CDH13: variants seen among roughly 807,000 people sequenced by gnomAD.
CDH13 encodes cadherin-13.
In CDH13, 24 loss-of-function variants were observed where a neutral mutation model predicts 63.8. That is an observed-to-expected ratio of 0.38 (90% CI 0.27 to 0.53). The LOEUF is 0.53. CDH13 is among the 20% of genes least tolerant of loss of function. The pLI, the probability that CDH13 is intolerant of heterozygous loss-of-function variation, is 0.85. For synonymous variants in CDH13, 503 were observed against 355.3 expected (o/e 1.42, Z -4.67); for missense variants, 1,049 against 903.1 (o/e 1.16, Z -2.07).
intron 1 of CDH13, among the ~76,000 whole-genome samples, chr16:82,770,546 T>C (rs2035221622): frequency 2.0e-5 from 3 of 152,232 alleles, no homozygotes; most frequent in Admixed American, 2.0e-4. Context: ...GTTTAATCTA[T>C]ATAGTTACAT....
At chr16:83,230,428 T>C (rs1191265257) in intron 5 of CDH13, among the ~76,000 whole-genome samples, 2 of 152,154 alleles carry the variant, frequency 1.3e-5, no homozygotes, top group African/African-American at 4.8e-5. Flanking sequence ...ATACTGTGTG[T>C]TCCCTGCCTG....
At chr16:82,745,927 T>A (rs1394004990) in intron 1 of CDH13, among the ~76,000 whole-genome samples, 1 of 152,166 alleles carries the variant, frequency 6.6e-6, no homozygotes, top group Non-Finnish European at 1.5e-5. Context: ...TTTTTGTGGT[T>A]CTTAATGGAT....
At chr16:82,860,261 C>T (rs1318215460) in intron 2 of CDH13, among the ~76,000 whole-genome samples, 2 of 151,736 alleles carry the variant, frequency 1.3e-5, no homozygotes, top group Admixed American at 1.3e-4. Flanking sequence ...CTTCTGTAAT[C>T]TTCACGATAG....
intron 5 of CDH13, among the ~76,000 whole-genome samples, chr16:83,302,275 TA>T (rs2089767345): frequency 6.6e-6 from 1 of 152,228 alleles, no homozygotes; most frequent in African/African-American, 2.4e-5. Context: ...TGGTTACTTT[TA>T]ACCTCCTGTT....
intron 3 of CDH13, among the ~76,000 whole-genome samples, chr16:83,045,212 T>C (rs1273512895): frequency 1.3e-5 from 2 of 152,186 alleles, no homozygotes. Context: ...AGAGAAATTT[T>C]AGGCAAGTAG....
intron 1 of CDH13, among the ~76,000 whole-genome samples, chr16:82,645,252 C>T (rs1187701860): frequency 6.6e-6 from 1 of 152,152 alleles, no homozygotes; most frequent in Non-Finnish European, 1.5e-5. Context: ...GAATGAAAGC[C>T]TCTGGGGGCA....
At chr16:83,407,646 G>A (rs2092067446) in intron 6 of CDH13, among the ~76,000 whole-genome samples, 1 of 152,122 alleles carries the variant, frequency 6.6e-6, no homozygotes, top group African/African-American at 2.4e-5. Flanking sequence ...AAACATTTCA[G>A]GGGAGTTTTA....
chr16:82,969,707 G>A (rs1005834242), intron 2 of CDH13, among the ~76,000 whole-genome samples: 2 of 152,092 alleles, frequency 1.3e-5, no homozygotes, highest in African/African-American at 2.4e-5. Context: ...TCCGGACATC[G>A]TAAAATTACC....
intron 10 of CDH13, among the ~76,000 whole-genome samples, chr16:83,683,683 C>A (rs976046314): frequency 1.3e-5 from 2 of 152,116 alleles, no homozygotes; most frequent in African/African-American, 4.8e-5. Flanking sequence ...AGTGGGTATG[C>A]TTATAGTGAA....
chr16:83,368,937 T>TAC (rs59678924), intron 6 of CDH13, among the ~76,000 whole-genome samples: 1,266 of 68,404 alleles, frequency 0.019, 139 homozygotes, highest in Non-Finnish European at 0.021. Flanking sequence ...TATATATATA[T>TAC]ACTAGGTTTT....
At chr16:82,842,136 A>ATATG (rs1165321820) in intron 1 of CDH13, among the ~76,000 whole-genome samples, 14 of 46,926 alleles carry the variant, frequency 3.0e-4, no homozygotes, top group Non-Finnish European at 5.0e-5. Flanking sequence ...ATATATATAT[A>ATATG]TACACATATA....
chr16:82,871,750 C>CT (rs2151189408), intron 2 of CDH13, among the ~76,000 whole-genome samples: 1 of 152,244 alleles, frequency 6.6e-6, no homozygotes, highest in South Asian at 2.1e-4. Context: ...ACACTTGGAT[C>CT]TAGATGCATT....
At chr16:83,793,889 A>T (rs1916433338) in intron 13 of CDH13, among the ~76,000 whole-genome samples, 1 of 152,146 alleles carries the variant, frequency 6.6e-6, no homozygotes, top group South Asian at 2.1e-4. Context: ...TGGATTAGCC[A>T]GGTGAGCCTG....
intron 6 of CDH13, among the ~76,000 whole-genome samples, chr16:83,486,130 G>A (rs971927452): frequency 4.2e-5 from 4 of 95,682 alleles, no homozygotes; most frequent in Non-Finnish European, 6.7e-5. Context: ...GTGACAGAGC[G>A]AGACTCTGTC....
intron 6 of CDH13, among the ~76,000 whole-genome samples, chr16:83,470,324 T>C (rs1174516318): frequency 6.6e-6 from 1 of 152,206 alleles, no homozygotes; most frequent in East Asian, 1.9e-4. Flanking sequence ...CCCAAACTGC[T>C]GGGATTACAG....
intron 5 of CDH13, among the ~76,000 whole-genome samples, chr16:83,259,035 C>G (rs185584559): frequency 3.2e-4 from 49 of 152,284 alleles, no homozygotes; most frequent in African/African-American, 1.1e-3. Flanking sequence ...CAGCCTTGTA[C>G]TTAAACTTCT....
chr16:83,404,685 C>A (rs767709714), intron 6 of CDH13, among the ~76,000 whole-genome samples: 2 of 152,198 alleles, frequency 1.3e-5, no homozygotes, highest in Non-Finnish European at 2.9e-5. Context: ...GTGCCTAAAT[C>A]TTCCTCGGTA....
intron 3 of CDH13, among the ~76,000 whole-genome samples, chr16:83,054,399 C>G (rs2030706855): frequency 6.6e-6 from 1 of 152,134 alleles, no homozygotes; most frequent in African/African-American, 2.4e-5. Context: ...TAAAATAAAG[C>G]TTACTTGCAT....
intron 6 of CDH13, among the ~76,000 whole-genome samples, chr16:83,378,674 A>G (rs2091501043): frequency 6.6e-6 from 1 of 152,156 alleles, no homozygotes; most frequent in Non-Finnish European, 1.5e-5. Flanking sequence ...CTTAGGCAAG[A>G]TACTTGACTG....
Sources: gnomAD v4.1 joint callset for allele counts (sites outside exome capture counted in the v4.1 genomes callset) on GRCh38, gnomAD v4.1.1 for gene constraint, MANE v1.5 for transcripts, NCBI Gene and HGNC (gene_info 2026-07-23, HGNC 2026-07-21) for gene names.